Variants in SCN9A observed in about 807,000 individuals in gnomAD.
The protein encoded by SCN9A is sodium voltage-gated channel alpha subunit 9.
Under a neutral mutation model 187.0 loss-of-function variants are expected in SCN9A, and 131 were observed. That is an observed-to-expected ratio of 0.70 (90% CI 0.61 to 0.81). The LOEUF is 0.81. SCN9A is among the 30% of genes least tolerant of loss of function. SCN9A has a pLI of 0.00. For missense variants in SCN9A, 2,252 were observed against 2,396.6 expected (o/e 0.94, Z 1.26); for synonymous variants, 809 against 808.6 (o/e 1.00, Z -0.01).
chr2:166,316,712 T>C (rs1309806977), intron 1 of SCN9A, among the ~76,000 whole-genome samples: 4 of 152,194 alleles, frequency 2.6e-5, no homozygotes, highest in African/African-American at 9.6e-5. Flanking sequence ...AAATAAAGTG[T>C]ACAAACTTTT....
intron 26 of SCN9A, 122 bp from the exon 27 acceptor site, chr2:166,199,986 T>TG (rs1693416454): frequency 6.4e-6 from 2 of 313,314 alleles, no homozygotes; most frequent in Non-Finnish European, 9.3e-6. Flanking sequence ...TTTTTTTTTT[T>TG]TTTTTTTTTT....
intron 24 of SCN9A, among the ~76,000 whole-genome samples, chr2:166,220,785 G>A (rs1694551180): frequency 6.6e-6 from 1 of 152,100 alleles, no homozygotes; most frequent in Non-Finnish European, 1.5e-5. Flanking sequence ...CTTGCCACTT[G>A]TATTTAACAC....
At chr2:166,279,696 G>A (rs1291740169) in intron 14 of SCN9A, among the ~76,000 whole-genome samples, 1 of 152,074 alleles carries the variant, frequency 6.6e-6, no homozygotes, top group African/African-American at 2.4e-5. Flanking sequence ...TGATGTTGAT[G>A]ATGATGATAG....
intron 24 of SCN9A, among the ~76,000 whole-genome samples, chr2:166,222,971 A>AAAAAAAGAAAG (rs1694683655): frequency 6.8e-6 from 1 of 146,046 alleles, no homozygotes. Flanking sequence ...AAAAAAAAAA[A>AAAAAAAGAAAG]ACAGCAACAA....
chr2:166,199,618 C>G lies in SCN9A; in HGVS notation c.5021G>C (p.Gly1674Ala), dbSNP rs1693382546. The change falls in exon 27 of 27, where the codon GGA becomes GCA. Residue 1674 changes from glycine (G) to alanine (A), a missense_variant. Physicochemically the swap from Gly to Ala is moderately conservative, Grantham distance 60. Coordinates refer to ENST00000642356, the MANE Select transcript of SCN9A (RefSeq NM_001365536.1). ...SNFAYVKKED[G>A]INDMFNFETF... ...CTCAAAATTGAACATGTCATTAATT[C>G]CATCTTCCTTTTTAACATAGGCAAA... 1 of 1,614,004 alleles carries G rather than the reference C, an allele frequency of 6.2e-7. No homozygotes were observed. Among genetic ancestry groups the G allele is most frequent in the South Asian group, 1.1e-5 (1 of 91,080 alleles).
At chr2:166,296,400 C>A (rs190875254) in intron 7 of SCN9A, among the ~76,000 whole-genome samples, 1 of 152,084 alleles carries the variant, frequency 6.6e-6, no homozygotes, top group Non-Finnish European at 1.5e-5. Flanking sequence ...AACAATAAAG[C>A]CTTGCAGTTT....
chr2:166,207,423 G>GTATTTT (rs1693860430), intron 24 of SCN9A, among the ~76,000 whole-genome samples: 1 of 90,302 alleles, frequency 1.1e-5, no homozygotes, highest in South Asian at 3.8e-4. Context: ...CTGCCTTAGA[G>GTATTTT]TGTTTTTGTT....
chr2:166,370,078 T>C (rs1700512329), intron 1 of SCN9A, among the ~76,000 whole-genome samples: 1 of 151,848 alleles, frequency 6.6e-6, no homozygotes, highest in African/African-American at 2.4e-5. Context: ...AAGTATAGAC[T>C]CTCAAGAAGA....
At chr2:166,204,915 T>C (rs1205783018) in intron 24 of SCN9A, 2 of 152,396 alleles carry the variant, frequency 1.3e-5, no homozygotes, top group African/African-American at 4.8e-5. Context: ...TCACAATTAC[T>C]ACAAAGAGAA....
chr2:166,370,225 T>TC (rs199791955), intron 1 of SCN9A, among the ~76,000 whole-genome samples: 13,783 of 144,388 alleles, frequency 0.095, 690 homozygotes, highest in African/African-American at 0.12. Context: ...ATAATAATAA[T>TC]AATAATAATA....
Position 166,228,934 on chromosome 2 carries a change from G to C in SCN9A, c.3963C>G (p.Ile1321Met), listed in dbSNP as rs200947663. The C allele has an allele frequency of 1.1e-5, 17 of 1,613,668 alleles. No individual in the cohort carries two copies. The highest frequency in any genetic ancestry group is 1.4e-5 in the Non-Finnish European group (17 of 1,179,578). Residue 1321 changes from isoleucine (I) to methionine (M), a missense_variant, in exon 22 of 27, where the codon ATC becomes ATG. Ile to Met is a conservative substitution (Grantham distance 10, BLOSUM62 1). Coordinates refer to ENST00000642356, the MANE Select transcript of SCN9A (RefSeq NM_001365536.1). ...TAAGACACACAAGTAGCACATTCAT[G>C]ATGGAAGGAATTGCTCCTATGAGTG... Reference protein sequence around the residue: ...VNALIGAIPSIMNVLLVCLIF... With the variant: ...VNALIGAIPSMMNVLLVCLIF...
At chr2:166,313,736 T>C (rs1365523088) in intron 1 of SCN9A, among the ~76,000 whole-genome samples, 1 of 152,246 alleles carries the variant, frequency 6.6e-6, no homozygotes, top group Non-Finnish European at 1.5e-5. Context: ...CCTTCAAGAA[T>C]GTTTCCTTTG....
chr2:166,336,693 A>AT (rs1481321501), intron 1 of SCN9A, among the ~76,000 whole-genome samples: 2 of 152,062 alleles, frequency 1.3e-5, no homozygotes, highest in South Asian at 4.1e-4. Context: ...TTTTAGTTCT[A>AT]TATCTTCTGA....
At chr2:166,309,638 G>A (rs1698876663) in intron 2 of SCN9A, among the ~76,000 whole-genome samples, 1 of 151,632 alleles carries the variant, frequency 6.6e-6, no homozygotes, top group South Asian at 2.1e-4. Context: ...ATGCTCATGT[G>A]TAGGAAGAAT....
chr2:166,341,472 T>G (rs924312022), intron 1 of SCN9A, among the ~76,000 whole-genome samples: 1 of 152,198 alleles, frequency 6.6e-6, no homozygotes, highest in African/African-American at 2.4e-5. Flanking sequence ...CTAAGAAAAG[T>G]TAATTTGATA....
intron 9 of SCN9A, among the ~76,000 whole-genome samples, chr2:166,292,803 G>T (rs987541909): frequency 6.6e-6 from 1 of 152,150 alleles, no homozygotes; most frequent in Non-Finnish European, 1.5e-5. Context: ...AAAACTTAGA[G>T]AAATGAATTG....
intron 1 of SCN9A, among the ~76,000 whole-genome samples, chr2:166,323,508 C>T (rs2105250382): frequency 6.6e-6 from 1 of 152,018 alleles, no homozygotes; most frequent in African/African-American, 2.4e-5. Flanking sequence ...ATTGTAAATC[C>T]TCTAAAAAAT....
At chr2:166,362,899 T>C (rs560511642) in intron 1 of SCN9A, among the ~76,000 whole-genome samples, 12 of 152,112 alleles carry the variant, frequency 7.9e-5, no homozygotes, top group African/African-American at 2.4e-4. Flanking sequence ...CCTGTTCATT[T>C]TTTTAAATGT....
At chr2:166,335,184 C>T (rs1425191834) in intron 1 of SCN9A, among the ~76,000 whole-genome samples, 2 of 151,946 alleles carry the variant, frequency 1.3e-5, no homozygotes, top group Non-Finnish European at 2.9e-5. Flanking sequence ...AGTAATTGAC[C>T]CAGGAATTGA....
Sources: gnomAD v4.1 joint callset for allele counts (sites outside exome capture counted in the v4.1 genomes callset) on GRCh38, gnomAD v4.1.1 for gene constraint, MANE v1.5 for transcripts, NCBI Gene and HGNC (gene_info 2026-07-23, HGNC 2026-07-21) for gene names.